CIC: variants seen among roughly 807,000 people sequenced by gnomAD.
CIC encodes capicua transcriptional repressor.
In CIC, 18 loss-of-function variants were observed where a neutral mutation model predicts 115.7. The observed-to-expected ratio is 0.16, with a 90% CI of 0.11 to 0.23. The LOEUF is 0.23. Among genes scored for constraint, CIC ranks in the 10% least tolerant of loss-of-function variants. The pLI, the probability that CIC is intolerant of heterozygous loss-of-function variation, is 1.00. For missense variants in CIC, 2,000 were observed against 2,159.3 expected (o/e 0.93, Z 1.46); for synonymous variants, 1,076 against 923.0 (o/e 1.17, Z -3.01).
chr19:42,290,872 A>C lies in CIC; in HGVS notation c.4831A>C (p.Asn1611His). ...PTSGRAEASP[N>H]DTAGARTEMG... ...CTCTGGCCGGGCTGAGGCGTCTCCA[A>C]ATGACACAGCAGGTGCCAGGACTGA... is the stretch of plus-strand genomic sequence containing the variant. The change falls in exon 11 of 21, where the codon AAT (asparagine) becomes CAT (histidine). Residue 1611 changes from asparagine (N) to histidine (H), a missense_variant. Coordinates refer to ENST00000681038, the MANE Select transcript of CIC (RefSeq NM_001386298.1). The C allele has an allele frequency of 6.2e-7, 1 of 1,612,808 alleles. No individual in the cohort carries two copies. Among genetic ancestry groups the C allele is most frequent in the Non-Finnish European group, 8.5e-7 (1 of 1,179,736 alleles).
chr19:42,277,164 T>C (rs768474905), intron 2 of CIC, among the ~76,000 whole-genome samples: 7 of 152,168 alleles, frequency 4.6e-5, no homozygotes, highest in African/African-American at 7.2e-5. Flanking sequence ...ATTAGTTCCA[T>C]TGGACAGAGG....
chr19:42,292,524 G>T (rs747214105), intron 14 of CIC, 42 bp from the exon 15 acceptor site: 8 of 1,611,992 alleles, frequency 5.0e-6, no homozygotes, highest in Non-Finnish European at 6.8e-6. Context: ...AGGCAGTCCG[G>T]GCCCTAACTT....
At position 42,280,946 on chromosome 19, in the gene CIC, A is replaced by T. The variant is rs1353666072; in HGVS notation, c.2795-5825A>T. Reference sequence around the variant, plus strand: ...ACCCCCGCATCCCACCCATCTCCCAATCCCTGGGGACCATCCCCCACACAC... The same window carrying T: ...ACCCCCGCATCCCACCCATCTCCCATTCCCTGGGGACCATCCCCCACACAC... On this transcript the variant is annotated intron_variant, in intron 2 of 20. Coordinates refer to ENST00000681038, the MANE Select transcript of CIC (RefSeq NM_001386298.1). The surrounding 1 kb of genome is among the most constrained non-coding windows in gnomAD (Gnocchi z 4.9). 7.1e-6 allele frequency among the ~76,000 whole-genome samples: 1 copy of T among 140,788 alleles called. No homozygotes were observed. The highest frequency in any genetic ancestry group is 2.1e-4 in the East Asian group (1 of 4,842). 92.4% of individuals were successfully genotyped at this position (140,788 alleles called of 152,430 possible). A position where few individuals can be genotyped will look rare whatever the true frequency, so the allele number is the denominator to read the frequency against.
rs772102175 is a variant in CIC, at chr19:42,289,370, G to T, written c.4051G>T (p.Val1351Phe). 6.2e-7 allele frequency: 1 copy of T among 1,609,352 alleles called. No individual in the cohort carries two copies. Among genetic ancestry groups the T allele is most frequent in the Non-Finnish European group, 8.5e-7 (1 of 1,177,720 alleles). The change falls in exon 9 of 21, where the codon GTC (valine) becomes TTC (phenylalanine). Residue 1351 changes from valine to phenylalanine, a missense_variant. By Grantham distance (50) the Val-to-Phe change is conservative. This residue lies in a region of CIC where 1,466 missense variants were observed against 1,390.4 expected (regional missense o/e 1.05). Transcript: ENST00000681038. ...CATGACGAGTGATGAGGAGCGCATG[G>T]TCATCTGTGAGGAGGAAGGGGATGA... is the stretch of plus-strand genomic sequence containing the variant. ...EDMTSDEERM[V>F]ICEEEGDDDV...
Position 42,292,180 on chromosome 19 carries a change from A to G in CIC, c.5708A>G (p.Gln1903Arg), listed in dbSNP as rs906467634. ...CTCCCTGGACCCACCTCTCAGCCTCAGAAGGTCCTGTTGCCCTCCTCCACC... is the reference window on the plus strand; with the variant it reads ...CTCCCTGGACCCACCTCTCAGCCTCGGAAGGTCCTGTTGCCCTCCTCCACC... Reference protein sequence around the residue: ...ATLPGPTSQPQKVLLPSSTRI... With the variant: ...ATLPGPTSQPRKVLLPSSTRI... The change falls in exon 13 of 21, where the codon CAG (glutamine) becomes CGG (arginine). Residue 1903 changes from glutamine (Q) to arginine (R), a missense_variant. By Grantham distance (43) the Gln-to-Arg change is conservative. Around this residue, in one of 8 missense-constraint regions of CIC, gnomAD observed 1,466 missense variants for 1,390.4 expected, o/e 1.05. Coordinates refer to ENST00000681038, the MANE Select transcript of CIC (RefSeq NM_001386298.1). The G allele has an allele frequency of 6.2e-7, 1 of 1,613,782 alleles. No homozygotes were observed. The highest frequency in any genetic ancestry group is 1.3e-5 in the African/African-American group (1 of 74,858).
chr19:42,277,432 G>A (rs150591929), intron 2 of CIC, among the ~76,000 whole-genome samples: 1 of 152,296 alleles, frequency 6.6e-6, no homozygotes, highest in African/African-American at 2.4e-5. Flanking sequence ...GTTTCACCAT[G>A]TTGGCCAGGC....
intron 1 of CIC, among the ~76,000 whole-genome samples, chr19:42,271,065 A>C (rs1478535920): frequency 5.2e-5 from 1 of 19,274 alleles, no homozygotes. Flanking sequence ...GGCTGCCCAG[A>C]GGGGCAGAGG....
At chr19:42,275,952 T>C (rs1254329721) in intron 2 of CIC, among the ~76,000 whole-genome samples, 3 of 152,214 alleles carry the variant, frequency 2.0e-5, no homozygotes, top group Admixed American at 6.5e-5. Flanking sequence ...GACAGACCCC[T>C]CCCTAGACAG....
rs925023152 is a variant in CIC, at chr19:42,280,440, G to A, written c.2794+5863G>A. Among the ~76,000 whole-genome samples, 4 of 152,100 alleles carry A rather than the reference G, an allele frequency of 2.6e-5. No individual in the cohort carries two copies. Among genetic ancestry groups the A allele is most frequent in the African/African-American group, 7.2e-5 (3 of 41,410 alleles). ...GGCACCTAGGGGTGTGGGTTCCCGC[G>A]CGCCCCTGGGTGCAGACCTCCTGTG... On this transcript the variant is annotated intron_variant, in intron 2 of 20. Transcript: ENST00000681038. The surrounding 1 kb of genome is among the most constrained non-coding windows in gnomAD (Gnocchi z 4.9).
At position 42,273,952 on chromosome 19, in the gene CIC, G is replaced by T. The variant is rs1477381910; in HGVS notation, c.2169G>T (p.Gly723=). ...RRKTELLPHP[G]ALGAPGAGGG... is the part of the protein sequence containing the mutation. ...AGACAGAGCTGTTGCCGCATCCAGG[G>T]GCCTTGGGGGCCCCTGGCGCAGGGG... Residue 723 remains glycine, a synonymous_variant, in exon 2 of 21, where the codon GGG becomes GGT. Coordinates refer to ENST00000681038, the MANE Select transcript of CIC (RefSeq NM_001386298.1). 9 of 398,754 alleles carry T rather than the reference G, an allele frequency of 2.3e-5. No individual in the cohort carries two copies. The East Asian group carries it at 3.2e-4, about 14-fold the overall frequency. 24.7% of individuals were successfully genotyped at this position (398,754 alleles called of 1,614,324 possible).
At chr19:42,278,000 C>T (rs2037054611) in intron 2 of CIC, among the ~76,000 whole-genome samples, 1 of 152,262 alleles carries the variant, frequency 6.6e-6, no homozygotes, top group African/African-American at 2.4e-5. Flanking sequence ...CAGGCCTGGT[C>T]CCTTCTGCTG....
chr19:42,295,142 A>AGGGC lies in CIC; in HGVS notation c.7506_7507insGGCG (p.Pro2503GlyfsTer21). On this transcript the variant is annotated frameshift_variant, in exon 21 of 21. Transcript: ENST00000681038. LOFTEE classifies it high-confidence loss of function. Reference sequence around the variant, plus strand: ...CAGCCTGGCTGGGAGGGGGCTCCCCAGCCCTCCCCCCCACCCCCAGGTCCC... The same window carrying AGGGC: ...CAGCCTGGCTGGGAGGGGGCTCCCCAGGGCGCCCTCCCCCCCACCCCCAGGTCCC... 8.9e-6 allele frequency: 5 copies of AGGGC among 558,780 alleles called. No individual in the cohort carries two copies. Among genetic ancestry groups the AGGGC allele is most frequent in the Non-Finnish European group, 1.4e-5 (5 of 350,614 alleles). 34.6% of individuals were successfully genotyped at this position (558,780 alleles called of 1,614,324 possible).
chr19:42,280,029 G>A lies in CIC; in HGVS notation c.2794+5452G>A, dbSNP rs963478123. 5.3e-5 allele frequency: 8 copies of A among 152,356 alleles called. No individual in the cohort carries two copies. Among genetic ancestry groups the A allele is most frequent in the African/African-American group, 1.9e-4 (8 of 41,456 alleles). 9.4% of individuals were successfully genotyped at this position (152,356 alleles called of 1,614,324 possible). A position where few individuals can be genotyped will look rare whatever the true frequency, so the allele number is the denominator to read the frequency against. ...ACGTCCCGGAGCCCCCGGTGCCCGG[G>A]TATTAATGGCTCCATTAGTGGCCGG... On this transcript the variant is annotated intron_variant, in intron 2 of 20. Transcript: ENST00000681038. The surrounding 1 kb of genome is among the most constrained non-coding windows in gnomAD (Gnocchi z 4.9).
chr19:42,289,113 T>C (rs755127881), intron 8 of CIC, 23 bp downstream of exon 8: 4 of 1,613,210 alleles, frequency 2.5e-6, no homozygotes, highest in Non-Finnish European at 3.4e-6. Flanking sequence ...GGCCCCCTAG[T>C]GGGGGTGGGC....
At position 42,293,278 on chromosome 19, in the gene CIC, C is replaced by A; in HGVS notation, c.6519C>A (p.Thr2173=). ...GGACCAGCGCCAAGGGCCCTGAGAC[C>A]ATGGTGAGCGCCTGCAGGCCGTGGG... ...EERTSAKGPE[T]MASKFPSSSS... The change falls in exon 16 of 21, where the codon ACC becomes ACA. Residue 2173 remains threonine, a synonymous_variant. Coordinates refer to ENST00000681038, the MANE Select transcript of CIC (RefSeq NM_001386298.1). 6.4e-7 allele frequency: 1 copy of A among 1,573,764 alleles called. No homozygotes were observed. The highest frequency in any genetic ancestry group is 8.6e-7 in the Non-Finnish European group (1 of 1,162,776).
In CIC at chr19:42,270,460, C is replaced by T. The variant is rs2036737989; in HGVS notation, c.-11+1079C>T. ...CCTCTGTTTTGGCCTCTCAGGTTCT[C>T]TTAGTCACTTCAGAGTAAAGTTTTT... On this transcript the variant is annotated intron_variant, in intron 1 of 20. Transcript: ENST00000681038. The surrounding 1 kb of genome is among the most constrained non-coding windows in gnomAD (Gnocchi z 4.1). 2.0e-5 allele frequency among the ~76,000 whole-genome samples: 3 copies of T among 152,364 alleles called. No homozygotes were observed. The Middle Eastern group carries it at 0.01, about 518-fold the overall frequency.
chr19:42,294,534 G>A, intron 19 of CIC, 70 bp from the exon 20 acceptor site: 4 of 1,604,852 alleles, frequency 2.5e-6, no homozygotes, highest in Non-Finnish European at 3.4e-6. Context: ...GGCTTGGGTG[G>A]GCACTCAGAC....
rs2036866760 is a variant in CIC, at chr19:42,273,758, C to T, written c.1975C>T (p.Arg659Cys). 1 of 398,812 alleles carries T rather than the reference C, an allele frequency of 2.5e-6. No individual in the cohort carries two copies. The highest frequency in any genetic ancestry group is 4.4e-6 in the Non-Finnish European group (1 of 226,076). 24.7% of individuals were successfully genotyped at this position (398,812 alleles called of 1,614,324 possible). A position where few individuals can be genotyped will look rare whatever the true frequency, so the allele number is the denominator to read the frequency against. The part of the protein sequence containing the change: ...ASPVIQRTAV[R>C]SRHLSASTPK... ...ACCAGTCATCCAGCGCACTGCAGTC[C>T]GCAGTCGCCACCTGAGCGCCAGCAC... is the stretch of plus-strand genomic sequence containing the variant. Residue 659 changes from arginine (R) to cysteine (C), a missense_variant, in exon 2 of 21, where the codon CGC becomes TGC. Around this residue, in one of 8 missense-constraint regions of CIC, gnomAD observed 222 missense variants for 247.7 expected, o/e 0.90. Transcript: ENST00000681038.
Position 42,295,199 on chromosome 19 carries a change from CT to C in CIC, c.*9del. 1 of 1,532,836 alleles carries C rather than the reference CT, an allele frequency of 6.5e-7. No individual in the cohort carries two copies. The highest frequency in any genetic ancestry group is 1.4e-5 in the African/African-American group (1 of 73,010). 95.0% of individuals were successfully genotyped at this position (1,532,836 alleles called of 1,614,324 possible). On this transcript the variant is annotated 3_prime_UTR_variant, in exon 21 of 21. Transcript: ENST00000681038. The stretch of plus-strand genomic sequence containing the variant: ...GCTGCCACAGGCAGGTGAGGGACCC[CT>C]GAGAAGATGCCAGGACTTATAGTAC...
Sources: allele counts gnomAD v4.1 joint callset (sites outside exome capture counted in the v4.1 genomes callset), GRCh38; gene constraint gnomAD v4.1.1; regional missense constraint gnomAD v4.1.1; non-coding constraint Gnocchi (gnomAD v3.1); transcripts MANE v1.5; gene names NCBI Gene and HGNC (gene_info 2026-07-23, HGNC 2026-07-21).